SNAPC1: variants seen among roughly 807,000 people sequenced by gnomAD.
SNAPC1 encodes the protein small nuclear RNA activating complex polypeptide 1.
A neutral mutation model predicts 50.1 loss-of-function variants in SNAPC1; 42 were observed. The observed-to-expected ratio is 0.84, with a 90% CI of 0.65 to 1.08. SNAPC1 has a LOEUF of 1.08. Among genes scored for constraint, SNAPC1 ranks in the 50% least tolerant of loss-of-function variants. The pLI is 0.00. For synonymous variants in SNAPC1, 164 were observed against 144.2 expected (o/e 1.14, Z -0.98); for missense variants, 477 against 427.3 (o/e 1.12, Z -1.02).
chr14:61,762,714 A>G, intron 1 of SNAPC1, 126 bp downstream of exon 1: 4 of 1,117,480 alleles, frequency 3.6e-6, no homozygotes, highest in South Asian at 1.4e-5. Flanking sequence ...GGTTGCCTCC[A>G]TGACTCCTGG....
chr14:61,762,807 T>C (rs1358925834), intron 1 of SNAPC1, among the ~76,000 whole-genome samples: 1 of 151,964 alleles, frequency 6.6e-6, no homozygotes, highest in Non-Finnish European at 1.5e-5. Flanking sequence ...CTCCCAAATA[T>C]GCGTCTCTGC....
chr14:61,787,490 ACG>A (rs1232568729), intron 8 of SNAPC1, among the ~76,000 whole-genome samples: 3 of 152,108 alleles, frequency 2.0e-5, no homozygotes, highest in African/African-American at 7.2e-5. Context: ...CCCTAGAATC[ACG>A]GCAGATTCAG....
rs111815972 is a variant in SNAPC1, at chr14:61,789,373, TAAA to T, written c.977-3429_977-3427del. Among the ~76,000 whole-genome samples the T allele has an allele frequency of 8.6e-3, 1,303 of 152,160 alleles. 7 individuals carry two copies. Among genetic ancestry groups the T allele is most frequent in the Middle Eastern group, 0.031 (9 of 294 alleles). On this transcript the variant is annotated intron_variant, in intron 8 of 9. Coordinates refer to ENST00000216294, the MANE Select transcript of SNAPC1 (RefSeq NM_003082.4). ...AAAAGTATGATCTCGTTTCTATTAATAAAAAAATATACATACATACACACATGA... is the reference window on the plus strand; with the variant it reads ...AAAAGTATGATCTCGTTTCTATTAATAAAATATACATACATACACACATGA...
chr14:61,785,713 G>A (rs116381659), intron 8 of SNAPC1, among the ~76,000 whole-genome samples: 1 of 152,134 alleles, frequency 6.6e-6, no homozygotes, highest in Non-Finnish European at 1.5e-5. Context: ...GTTAGAAGTA[G>A]GTAAGACAAA....
intron 3 of SNAPC1, 137 bp downstream of exon 3, chr14:61,767,489 A>T: frequency 4.2e-6 from 2 of 479,622 alleles, no homozygotes; most frequent in Non-Finnish European, 6.6e-6. Flanking sequence ...TTTTAGACAG[A>T]GTCTTGCTCT....
chr14:61,772,041 T>G (rs2044995079), intron 4 of SNAPC1, among the ~76,000 whole-genome samples: 1 of 152,158 alleles, frequency 6.6e-6, no homozygotes, highest in Non-Finnish European at 1.5e-5. Flanking sequence ...AGCAAGACAT[T>G]ATTCTTATCA....
chr14:61,789,226 ATCTC>A (rs1566593654), intron 8 of SNAPC1, among the ~76,000 whole-genome samples: 1 of 145,960 alleles, frequency 6.9e-6, no homozygotes, highest in Non-Finnish European at 1.5e-5. Context: ...GCAAGACTCC[ATCTC>A]AAAAAAAAAA....
At chr14:61,769,618 C>G (rs930413858) in intron 4 of SNAPC1, among the ~76,000 whole-genome samples, 3 of 151,936 alleles carry the variant, frequency 2.0e-5, no homozygotes, top group African/African-American at 4.8e-5. Context: ...AGGATGGTCT[C>G]GATCTCCTGA....
chr14:61,790,557 G>A (rs1054713087), intron 8 of SNAPC1, among the ~76,000 whole-genome samples: 1 of 152,164 alleles, frequency 6.6e-6, no homozygotes, highest in Non-Finnish European at 1.5e-5. Flanking sequence ...GGTTGGTCTC[G>A]AACTCCTGAC....
chr14:61,765,642 T>A (rs79379251), intron 1 of SNAPC1, among the ~76,000 whole-genome samples: 5,236 of 152,198 alleles, frequency 0.034, 323 homozygotes, highest in African/African-American at 0.12. Flanking sequence ...AGCCGAGAAG[T>A]CACTTTGAAT....
At chr14:61,773,653 C>G (rs1375819071) in intron 4 of SNAPC1, among the ~76,000 whole-genome samples, 1 of 150,220 alleles carries the variant, frequency 6.7e-6, no homozygotes, top group African/African-American at 2.4e-5. Context: ...GCCTCGGCCT[C>G]CCAAAGTGCT....
chr14:61,794,793 T>C (rs1181255678), intron 9 of SNAPC1, among the ~76,000 whole-genome samples, 156 bp from the exon 10 acceptor site: 7 of 152,234 alleles, frequency 4.6e-5, no homozygotes. Context: ...GTGTCTTTGC[T>C]GTGAGGGCAT....
intron 7 of SNAPC1, among the ~76,000 whole-genome samples, chr14:61,780,403 A>T (rs945869996): frequency 3.3e-5 from 5 of 152,110 alleles, no homozygotes; most frequent in Admixed American, 2.6e-4. Context: ...TCTGAGGTTG[A>T]GGAATGAGAC....
Position 61,782,387 on chromosome 14 carries a change from C to T in SNAPC1, c.966C>T (p.Leu322=), listed in dbSNP as rs2045082334. The T allele has an allele frequency of 6.8e-6, 11 of 1,607,296 alleles. No individual in the cohort carries two copies. Among genetic ancestry groups the T allele is most frequent in the Non-Finnish European group, 8.5e-6 (10 of 1,178,086 alleles). The change falls in exon 8 of 10, where the codon CTC becomes CTT. Residue 322 remains leucine (L), a synonymous_variant. Coordinates refer to ENST00000216294, the MANE Select transcript of SNAPC1 (RefSeq NM_003082.4). ...RLKPAGRKMS[L]RNKGNVQNIH... ...AACCAGCAGGAAGGAAGATGTCTCT[C>T]AGAAACAAAGGTAACTTTTTAAAGT...
chr14:61,792,645 A>G (rs1315629005), intron 8 of SNAPC1, among the ~76,000 whole-genome samples, 162 bp from the exon 9 acceptor site: 1 of 152,264 alleles, frequency 6.6e-6, no homozygotes, highest in Non-Finnish European at 1.5e-5. Flanking sequence ...AGTATTTGAA[A>G]AAATATAGGT....
chr14:61,776,020 T>G (rs2045032817), intron 4 of SNAPC1, 75 bp from the exon 5 acceptor site: 1 of 1,141,546 alleles, frequency 8.8e-7, no homozygotes, highest in African/African-American at 1.6e-5. Context: ...GGAAGGTGAC[T>G]ATTTTGTGTT....
Position 61,767,256 on chromosome 14 carries a change from G to T in SNAPC1, c.333G>T (p.Gln111His). The T allele has an allele frequency of 6.6e-7, 1 of 1,520,032 alleles. No individual in the cohort carries two copies. Among genetic ancestry groups the T allele is most frequent in the Non-Finnish European group, 8.8e-7 (1 of 1,132,306 alleles). The allele number at this position is 1,520,032 out of a possible 1,614,324, so 94.2% of individuals were successfully genotyped here. ...ATTGGGATGAAGTTTTAAAATTTCA[G>T]CAAGATTTAGTAAATGCACAGCATT... ...LKDWDEVLKF[Q>H]QDLVNAQHFD... is the part of the protein sequence containing the mutation. The change falls in exon 3 of 10, where the codon CAG becomes CAT. Residue 111 changes from glutamine (Q) to histidine (H), a missense_variant. Gln to His is a conservative substitution (Grantham distance 24). Transcript: ENST00000216294.
At chr14:61,775,476 G>C (rs894957931) in intron 4 of SNAPC1, among the ~76,000 whole-genome samples, 8 of 152,018 alleles carry the variant, frequency 5.3e-5, no homozygotes, top group African/African-American at 1.7e-4. Context: ...GTCTGGTCTT[G>C]AACTCCTGAT....
chr14:61,775,659 C>T (rs768544907), intron 4 of SNAPC1, among the ~76,000 whole-genome samples: 5 of 152,096 alleles, frequency 3.3e-5, no homozygotes, highest in African/African-American at 4.8e-5. Flanking sequence ...GGATGAGAGT[C>T]GTTACATAGG....
Sources: gnomAD v4.1 joint callset for allele counts (sites outside exome capture counted in the v4.1 genomes callset) on GRCh38, gnomAD v4.1.1 for gene constraint, MANE v1.5 for transcripts, NCBI Gene and HGNC (gene_info 2026-07-23, HGNC 2026-07-21) for gene names.